CSTF3: variants seen among roughly 807,000 people sequenced by gnomAD.
CSTF3 encodes the protein cleavage stimulation factor subunit 3, also known as CF-1 77 kDa subunit.
Under a neutral mutation model 105.8 loss-of-function variants are expected in CSTF3, and 29 were observed. That is an observed-to-expected ratio of 0.27 (90% CI 0.20 to 0.37). The LOEUF is 0.37. Among genes scored for constraint, CSTF3 ranks in the 10% least tolerant of loss-of-function variants. CSTF3 has a pLI of 1.00. For missense variants in CSTF3, 357 were observed against 879.3 expected (o/e 0.41, Z 7.51); for synonymous variants, 252 against 281.9 (o/e 0.89, Z 1.06).
In CSTF3 at chr11:33,095,819, C is replaced by CAAAAAAAAAT. The variant is rs71034651; in HGVS notation, c.1375+486_1375+487insATTTTTTTTT. On this transcript the variant is annotated intron_variant, in intron 15 of 20. Transcript: ENST00000323959. Reference sequence around the variant, plus strand: ...CCTGGGCGACAGCGAGACTCTGTCTCAAATAAATAAATAAATAAATAAATA... The same window carrying CAAAAAAAAAT: ...CCTGGGCGACAGCGAGACTCTGTCTCAAAAAAAAATAAATAAATAAATAAATAAATAAATA... 1.0e-4 allele frequency among the ~76,000 whole-genome samples: 15 copies of CAAAAAAAAAT among 146,138 alleles called. 1 individual carries two copies. In the South Asian group the frequency reaches 1.8e-3, roughly 18 times the overall value.
intron 3 of CSTF3, among the ~76,000 whole-genome samples, chr11:33,125,587 C>T (rs572864702): frequency 5.3e-5 from 8 of 152,262 alleles, no homozygotes; most frequent in Non-Finnish European, 1.0e-4. Flanking sequence ...TCTACTCAGA[C>T]GGACGCAACT....
chr11:33,084,863 T>C lies in CSTF3; in HGVS notation c.*224A>G, dbSNP rs894803812. ...GTGGTTCTGCCACTTTGTACTGTTC[T>C]CACATTTTTGAAAACCTAATTTTGC... is the stretch of plus-strand genomic sequence containing the variant. On this transcript the variant is annotated 3_prime_UTR_variant, in exon 21 of 21. Coordinates refer to ENST00000323959, the MANE Select transcript of CSTF3 (RefSeq NM_001326.3). The C allele has an allele frequency of 6.9e-6, 4 of 581,986 alleles. No homozygotes were observed. The highest frequency in any genetic ancestry group is 2.9e-4 in the Middle Eastern group (1 of 3,464). The allele number at this position is 581,986 out of a possible 1,614,324, so 36.1% of individuals were successfully genotyped here.
chr11:33,156,748 C>G (rs1286956998), intron 1 of CSTF3: 2 of 454,056 alleles, frequency 4.4e-6, no homozygotes, highest in Non-Finnish European at 8.8e-6. Flanking sequence ...AGGAGGATCA[C>G]TTAAGTCCAG....
intron 1 of CSTF3, 151 bp from the exon 2 acceptor site, chr11:33,142,137 C>G: frequency 7.4e-7 from 1 of 1,358,078 alleles, no homozygotes; most frequent in Non-Finnish European, 9.8e-7. Flanking sequence ...TTCCTAGAAC[C>G]GATGTGTACA....
At chr11:33,122,963 A>G (rs986606740) in intron 3 of CSTF3, among the ~76,000 whole-genome samples, 1 of 151,726 alleles carries the variant, frequency 6.6e-6, no homozygotes, top group Non-Finnish European at 1.5e-5. Flanking sequence ...AAAAGTATGT[A>G]AAACAGGTCA....
chr11:33,153,314 A>G (rs1397160613), intron 1 of CSTF3, among the ~76,000 whole-genome samples: 1 of 152,168 alleles, frequency 6.6e-6, no homozygotes, highest in African/African-American at 2.4e-5. Context: ...TTTACATACA[A>G]TTGTGGATAG....
chr11:33,150,855 C>CA (rs571410801), intron 1 of CSTF3, among the ~76,000 whole-genome samples: 7,972 of 106,386 alleles, frequency 0.075, 244 homozygotes, highest in Admixed American at 0.14. Context: ...GACCCTGTCT[C>CA]AAAAAAAAAA....
Position 33,086,009 on chromosome 11 carries a change from A to T in CSTF3, c.1796-20T>A. 1 of 1,432,024 alleles carries T rather than the reference A, an allele frequency of 7.0e-7. No individual in the cohort carries two copies. The highest frequency in any genetic ancestry group is 1.6e-5 in the South Asian group (1 of 61,742). 88.7% of individuals were successfully genotyped at this position (1,432,024 alleles called of 1,614,324 possible). A position where few individuals can be genotyped will look rare whatever the true frequency, so the allele number is the denominator to read the frequency against. On this transcript the variant is annotated intron_variant, in intron 18 of 20. Transcript: ENST00000323959. ...CTGGAGCTGTGAGAAAAAGAAAAGT[A>T]TGAATCAAGTGGAATGGAAGAATTT...
intron 3 of CSTF3, among the ~76,000 whole-genome samples, chr11:33,109,153 G>C (rs778891890): frequency 2.0e-5 from 3 of 152,184 alleles, no homozygotes; most frequent in Non-Finnish European, 2.9e-5. Flanking sequence ...AGGAGAAATA[G>C]CATGTGCAAA....
intron 1 of CSTF3, among the ~76,000 whole-genome samples, chr11:33,143,938 C>T (rs12288539): frequency 0.11 from 15,977 of 147,526 alleles, 2,038 homozygotes; most frequent in African/African-American, 0.31. Flanking sequence ...TACAGTTAGC[C>T]GAGATAGCAC....
intron 3 of CSTF3, among the ~76,000 whole-genome samples, chr11:33,131,534 C>T (rs1305955540): frequency 6.6e-6 from 1 of 152,104 alleles, no homozygotes; most frequent in Non-Finnish European, 1.5e-5. Flanking sequence ...AAAATCTAAG[C>T]ATGAACTGAA....
At chr11:33,131,038 A>C (rs1393057763) in intron 3 of CSTF3, among the ~76,000 whole-genome samples, 4 of 152,222 alleles carry the variant, frequency 2.6e-5, no homozygotes, top group Non-Finnish European at 2.9e-5. Flanking sequence ...TCAAAAAGGT[A>C]AGAAAATACA....
At position 33,092,647 on chromosome 11, in the gene CSTF3, G is replaced by C. The variant is rs1855180887; in HGVS notation, c.1376-307C>G. On this transcript the variant is annotated intron_variant, in intron 15 of 20. Coordinates refer to ENST00000323959, the MANE Select transcript of CSTF3 (RefSeq NM_001326.3). ...TTTATAACAGTGCCGTCTGAACCAG[G>C]TATCCCATTTGCCTTTTAAAAATAA... 2.0e-5 allele frequency among the ~76,000 whole-genome samples: 3 copies of C among 152,098 alleles called. 1 individual carries two copies. The South Asian group carries it at 6.2e-4, about 32-fold the overall frequency.
intron 3 of CSTF3, 109 bp from the exon 4 acceptor site, chr11:33,108,527 ATTAAT>A: frequency 1.2e-6 from 1 of 801,108 alleles, no homozygotes; most frequent in Non-Finnish European, 1.7e-6. Flanking sequence ...ATAGTTTCTT[ATTAAT>A]TTTTCTGTTA....
chr11:33,112,253 T>TG (rs957847781), intron 3 of CSTF3, among the ~76,000 whole-genome samples: 4 of 149,178 alleles, frequency 2.7e-5, no homozygotes, highest in African/African-American at 9.9e-5. Flanking sequence ...AAACTCTGTG[T>TG]GGAAAAAAAA....
At chr11:33,152,265 A>C (rs1365968884) in intron 1 of CSTF3, among the ~76,000 whole-genome samples, 3 of 152,150 alleles carry the variant, frequency 2.0e-5, no homozygotes, top group Non-Finnish European at 4.4e-5. Flanking sequence ...GTCTTGAAAA[A>C]ATAGAAATAA....
chr11:33,146,575 A>G (rs1855785570), intron 1 of CSTF3, among the ~76,000 whole-genome samples: 1 of 151,856 alleles, frequency 6.6e-6, no homozygotes, highest in African/African-American at 2.4e-5. Flanking sequence ...TTAAATAAAT[A>G]CATATAAAAA....
At chr11:33,095,831 T>TAA (rs1855217596) in intron 15 of CSTF3, among the ~76,000 whole-genome samples, 1 of 135,520 alleles carries the variant, frequency 7.4e-6, no homozygotes, top group Non-Finnish European at 1.7e-5. Flanking sequence ...AATAAATAAA[T>TAA]AAATAAATAA....
intron 1 of CSTF3, among the ~76,000 whole-genome samples, chr11:33,149,733 A>C (rs1243655079): frequency 1.3e-5 from 2 of 152,094 alleles, no homozygotes; most frequent in East Asian, 3.9e-4. Context: ...AAAATACAAA[A>C]ATTGGCCAGG....
Sources: allele counts gnomAD v4.1 joint callset (sites outside exome capture counted in the v4.1 genomes callset), GRCh38; gene constraint gnomAD v4.1.1; transcripts MANE v1.5; gene names NCBI Gene and HGNC (gene_info 2026-07-23, HGNC 2026-07-21).